The following CNTNAP2 variants were observed in gnomAD, a reference collection of about 807,000 sequenced individuals.
CNTNAP2 encodes contactin-associated protein-like 2.
A neutral mutation model predicts 155.2 loss-of-function variants in CNTNAP2; 98 were observed. The ratio of observed to expected loss-of-function variants is 0.63; its 90% CI spans 0.54 to 0.75. The LOEUF is 0.75. Among genes scored for constraint, CNTNAP2 ranks in the 30% least tolerant of loss-of-function variants. The probability of loss-of-function intolerance (pLI) is 0.00; values close to 1 mark genes in which losing one functional copy is unlikely to be tolerated. For synonymous variants in CNTNAP2, 651 were observed against 631.2 expected (o/e 1.03, Z -0.47); for missense variants, 1,727 against 1,688.1 (o/e 1.02, Z -0.40).
intron 1 of CNTNAP2, among the ~76,000 whole-genome samples, chr7:146,348,055 G>C (rs1160767318): frequency 2.0e-5 from 3 of 152,146 alleles, no homozygotes; most frequent in African/African-American, 7.2e-5. Flanking sequence ...AATGAGATGA[G>C]TTGTGGTTGC....
intron 1 of CNTNAP2, among the ~76,000 whole-genome samples, chr7:146,147,191 T>G (rs1797969736): frequency 6.6e-6 from 1 of 152,146 alleles, no homozygotes; most frequent in Non-Finnish European, 1.5e-5. Context: ...AATACTGTTG[T>G]TAAGCACTGG....
intron 2 of CNTNAP2, among the ~76,000 whole-genome samples, chr7:146,827,500 CT>C (rs768738396): frequency 0.05 from 7,145 of 141,550 alleles, 498 homozygotes; most frequent in African/African-American, 0.16. Context: ...AATGTTTTTA[CT>C]TTTTTTTTTT....
intron 8 of CNTNAP2, among the ~76,000 whole-genome samples, chr7:147,162,608 A>G (rs1488486026): frequency 6.6e-6 from 1 of 152,188 alleles, no homozygotes; most frequent in Non-Finnish European, 1.5e-5. Context: ...GTTCCCACCC[A>G]GAAATCAAAC....
chr7:146,743,252 G>A (rs1801750750), intron 1 of CNTNAP2, among the ~76,000 whole-genome samples: 1 of 152,098 alleles, frequency 6.6e-6, no homozygotes, highest in Non-Finnish European at 1.5e-5. Context: ...AGAGTCCATA[G>A]GAGGTACAAA....
At chr7:147,274,006 CATAT>C (rs1443527977) in intron 8 of CNTNAP2, among the ~76,000 whole-genome samples, 3 of 149,312 alleles carry the variant, frequency 2.0e-5, no homozygotes, top group African/African-American at 7.4e-5. Context: ...TTACATATTA[CATAT>C]ATACACACAT....
intron 3 of CNTNAP2, among the ~76,000 whole-genome samples, chr7:146,898,855 A>T (rs1795934859): frequency 1.3e-5 from 2 of 152,018 alleles, no homozygotes; most frequent in Middle Eastern, 3.4e-3. Context: ...TTTTAACATA[A>T]TGTCTGATCT....
chr7:146,544,089 G>T (rs1797993444), intron 1 of CNTNAP2, among the ~76,000 whole-genome samples: 1 of 151,890 alleles, frequency 6.6e-6, no homozygotes, highest in Non-Finnish European at 1.5e-5. Context: ...TAAATTACTT[G>T]CTAATAATTA....
chr7:148,077,620 G>A (rs1024580126), intron 15 of CNTNAP2, among the ~76,000 whole-genome samples: 7 of 152,140 alleles, frequency 4.6e-5, no homozygotes, highest in African/African-American at 1.7e-4. Flanking sequence ...TTGTTTGTTT[G>A]AAAATCTTTC....
intron 3 of CNTNAP2, among the ~76,000 whole-genome samples, chr7:146,992,616 A>T (rs1798230028): frequency 6.6e-6 from 1 of 151,984 alleles, no homozygotes; most frequent in Admixed American, 6.6e-5. Context: ...GCTCCACCCC[A>T]TTCTCCCTGT....
chr7:148,274,227 G>A (rs1431676256), intron 21 of CNTNAP2, among the ~76,000 whole-genome samples: 1 of 152,010 alleles, frequency 6.6e-6, no homozygotes, highest in Non-Finnish European at 1.5e-5. Flanking sequence ...CTTGACTTGT[G>A]ATGAACATAT....
At chr7:148,140,027 T>A (rs1169774713) in intron 16 of CNTNAP2, among the ~76,000 whole-genome samples, 9 of 152,170 alleles carry the variant, frequency 5.9e-5, no homozygotes, top group Non-Finnish European at 4.4e-5. Context: ...ATTCACTGAA[T>A]TCTGCTGCCG....
chr7:147,368,221 T>C (rs1796277941), intron 9 of CNTNAP2, among the ~76,000 whole-genome samples: 1 of 151,850 alleles, frequency 6.6e-6, no homozygotes, highest in African/African-American at 2.4e-5. Flanking sequence ...CACCATGTGC[T>C]AGCTACATAG....
At chr7:146,128,876 GA>G (rs11402701) in intron 1 of CNTNAP2, among the ~76,000 whole-genome samples, 1 of 150,180 alleles carries the variant, frequency 6.7e-6, no homozygotes, top group Non-Finnish European at 1.5e-5. Context: ...TGGTATTACA[GA>G]AAAAAAAACT....
chr7:147,085,034 G>T (rs762061882), intron 4 of CNTNAP2, among the ~76,000 whole-genome samples: 20 of 151,862 alleles, frequency 1.3e-4, no homozygotes, highest in Non-Finnish European at 2.6e-4. Flanking sequence ...TTTTCTCAAA[G>T]TTGAGAAAAG....
chr7:146,570,322 G>C (rs113004182), intron 1 of CNTNAP2, among the ~76,000 whole-genome samples: 1 of 152,092 alleles, frequency 6.6e-6, no homozygotes, highest in Non-Finnish European at 1.5e-5. Flanking sequence ...ACAGTGAGTA[G>C]GCATTTTTGA....
intron 3 of CNTNAP2, among the ~76,000 whole-genome samples, chr7:146,882,286 CT>C: frequency 6.6e-6 from 1 of 152,088 alleles, no homozygotes; most frequent in African/African-American, 2.4e-5. Flanking sequence ...ATGCATGTAT[CT>C]TTTTGGCAGA....
At chr7:147,183,578 T>TGG (rs936098085) in intron 8 of CNTNAP2, among the ~76,000 whole-genome samples, 13 of 152,296 alleles carry the variant, frequency 8.5e-5, no homozygotes, top group African/African-American at 2.9e-4. Flanking sequence ...TGTGTGTGTG[T>TGG]GTTTTTCCTT....
intron 13 of CNTNAP2, among the ~76,000 whole-genome samples, chr7:147,756,833 A>C (rs573676927): frequency 6.6e-6 from 1 of 152,212 alleles, no homozygotes; most frequent in Non-Finnish European, 1.5e-5. Flanking sequence ...ACCCTTCATC[A>C]GAATAGGATT....
At chr7:148,047,042 G>T (rs1802787808) in intron 15 of CNTNAP2, among the ~76,000 whole-genome samples, 2 of 152,068 alleles carry the variant, frequency 1.3e-5, no homozygotes, top group Admixed American at 1.3e-4. Flanking sequence ...GCTTCTCCTT[G>T]GGCCCCCACC....
Sources: gnomAD v4.1 joint callset for allele counts (sites outside exome capture counted in the v4.1 genomes callset) on GRCh38, gnomAD v4.1.1 for gene constraint, MANE v1.5 for transcripts, NCBI Gene and HGNC (gene_info 2026-07-23, HGNC 2026-07-21) for gene names.